The following IL17RC variants were observed in gnomAD, a reference collection of about 807,000 sequenced individuals.
IL17RC encodes the protein interleukin-17 receptor C.
IL17RC carries 53 observed loss-of-function variants against 86.7 expected under a neutral mutation model. That is an observed-to-expected ratio of 0.61 (90% CI 0.49 to 0.77). IL17RC has a LOEUF of 0.77. IL17RC is among the 30% of genes least tolerant of loss of function. The pLI, the probability that IL17RC is intolerant of heterozygous loss-of-function variation, is 0.00. For missense variants in IL17RC, 957 were observed against 940.0 expected (o/e 1.02, Z -0.24); for synonymous variants, 439 against 413.1 (o/e 1.06, Z -0.76).
At chr3:9,928,018 T>C in intron 9 of IL17RC, 148 bp from the exon 10 acceptor site, 1 of 714,048 alleles carries the variant, frequency 1.4e-6, no homozygotes, top group Non-Finnish European at 2.5e-6. Context: ...GAAGAATAGA[T>C]GTGAGCACCT....
intron 12 of IL17RC, 143 bp downstream of exon 12, chr3:9,928,773 G>A (rs760687535): frequency 3.5e-5 from 28 of 810,308 alleles, no homozygotes; most frequent in East Asian, 7.3e-5. Context: ...TTAGTAGTGC[G>A]CGGGACCCTG....
At position 9,921,095 on chromosome 3, in the gene IL17RC, CA is replaced by C. The variant is rs1190919336; in HGVS notation, c.622+127del. ...AGCTCACAGAACATATTCATTCATT[CA>C]TTCATTCATTCATTTGTTCATAACA... On this transcript the variant is annotated intron_variant, in intron 7 of 18. Transcript: ENST00000403601. 1,019 of 585,712 alleles carry C rather than the reference CA, an allele frequency of 1.7e-3. 3 individuals are homozygous for C. Among genetic ancestry groups the C allele is most frequent in the Non-Finnish European group, 2.8e-3 (930 of 328,878 alleles). 36.3% of individuals were successfully genotyped at this position (585,712 alleles called of 1,614,324 possible).
rs762617740 is a variant in IL17RC, at chr3:9,932,657, C to CG, written c.1438dup (p.Ala480GlyfsTer44). The stretch of plus-strand genomic sequence containing the variant: ...TGTGGCTGGCCTGCCTACTCTTTGC[C>CG]GCTGCGCTTTCCCTCATCCTCCTTC... On this transcript the variant is annotated frameshift_variant, in exon 17 of 19. Transcript: ENST00000403601. LOFTEE classifies it high-confidence loss of function. The CG allele has an allele frequency of 5.6e-6, 9 of 1,614,084 alleles. No homozygotes were observed. The African/African-American group carries it at 1.1e-4, about 19-fold the overall frequency.
At position 9,923,985 on chromosome 3, in the gene IL17RC, C is replaced by G. The variant is rs752152533; in HGVS notation, c.727C>G (p.Gln243Glu). 1.6e-5 allele frequency: 26 copies of G among 1,614,136 alleles called. 1 individual carries two copies. The highest frequency in any genetic ancestry group is 3.3e-4 in the Middle Eastern group (2 of 6,062). ...FGLSLYWNQV[Q>E]GPPKPRWHKN... ...CCTCTCCCTGTACTGGAATCAGGTC[C>G]AGGGCCCCCCAAAACCCCGGTGGCA... The change falls in exon 8 of 19, where the codon CAG becomes GAG. Residue 243 changes from glutamine to glutamate, a missense_variant. Physicochemically the swap from Gln to Glu is conservative, Grantham distance 29. Coordinates refer to ENST00000403601, the MANE Select transcript of IL17RC (RefSeq NM_153460.4).
rs867519898 is a variant in IL17RC, at chr3:9,931,453, T to A, written c.1387+510T>A. Among the ~76,000 whole-genome samples the A allele has an allele frequency of 1.0e-3, 45 of 44,936 alleles. No homozygotes were observed. In the Middle Eastern group the frequency reaches 0.052, roughly 52 times the overall value. 29.5% of individuals were successfully genotyped at this position (44,936 alleles called of 152,430 possible). A position where few individuals can be genotyped will look rare whatever the true frequency, so the allele number is the denominator to read the frequency against. On this transcript the variant is annotated intron_variant, in intron 16 of 18. Coordinates refer to ENST00000403601, the MANE Select transcript of IL17RC (RefSeq NM_153460.4). ...AGCTACGATCAAATTTTTATATATTTCACACACACACACACACATATATAT... is the reference window on the plus strand; with the variant it reads ...AGCTACGATCAAATTTTTATATATTACACACACACACACACACATATATAT...
At position 9,933,607 on chromosome 3, in the gene IL17RC, C is replaced by T. The variant is rs775751523; in HGVS notation, c.*14C>T. 1.3e-6 allele frequency: 2 copies of T among 1,564,174 alleles called. No homozygotes were observed. Among genetic ancestry groups the T allele is most frequent in the South Asian group, 2.3e-5 (2 of 86,268 alleles). ...GACGGGACTTAAATAAAGGCAGACG[C>T]TGTTTTTCTACCCATGTGGCCCACA... On this transcript the variant is annotated 3_prime_UTR_variant, in exon 19 of 19. Coordinates refer to ENST00000403601, the MANE Select transcript of IL17RC (RefSeq NM_153460.4).
chr3:9,923,896 A>G lies in IL17RC; in HGVS notation c.638A>G (p.Asn213Ser). ...CTCCCACCAGCCCTGCCCTGGCTCA[A>G]CGTGTCAGCAGATGGTGACAACGTG... Reference protein sequence around the residue: ...IPSCWALPWLNVSADGDNVHL... With the variant: ...IPSCWALPWLSVSADGDNVHL... The change falls in exon 8 of 19, where the codon AAC (asparagine) becomes AGC (serine). Residue 213 changes from asparagine to serine, a missense_variant. Coordinates refer to ENST00000403601, the MANE Select transcript of IL17RC (RefSeq NM_153460.4). The G allele has an allele frequency of 1.2e-6, 2 of 1,614,080 alleles. No individual in the cohort carries two copies. Among genetic ancestry groups the G allele is most frequent in the South Asian group, 1.1e-5 (1 of 91,084 alleles).
At chr3:9,919,745 C>A (rs2083395673) in intron 5 of IL17RC, among the ~76,000 whole-genome samples, 2 of 152,112 alleles carry the variant, frequency 1.3e-5, no homozygotes, top group South Asian at 4.1e-4. Flanking sequence ...TGAATAATTT[C>A]AATAAATTTA....
At chr3:9,918,739 T>A (rs1293670327) in intron 5 of IL17RC, 130 bp downstream of exon 5, 1 of 662,134 alleles carries the variant, frequency 1.5e-6, no homozygotes, top group Non-Finnish European at 2.6e-6. Flanking sequence ...TTACAGCCAG[T>A]GTTTTACAGG....
chr3:9,929,664 T>G, intron 12 of IL17RC, 188 bp from the exon 13 acceptor site: 2 of 693,042 alleles, frequency 2.9e-6, no homozygotes, highest in Non-Finnish European at 5.2e-6. Flanking sequence ...ACAGATGATC[T>G]CACAAGGCTG....
chr3:9,931,494 T>C (rs2084686572), intron 16 of IL17RC, among the ~76,000 whole-genome samples: 2 of 146,740 alleles, frequency 1.4e-5, no homozygotes, highest in Non-Finnish European at 3.0e-5. Context: ...TATATATATA[T>C]ATATATATAC....
At chr3:9,922,260 T>C (rs1222065751) in intron 7 of IL17RC, among the ~76,000 whole-genome samples, 1 of 152,172 alleles carries the variant, frequency 6.6e-6, no homozygotes, top group African/African-American at 2.4e-5. Context: ...CAATTTGTTT[T>C]TATATATGTA....
chr3:9,920,681 G>A lies in IL17RC; in HGVS notation c.577+79G>A, dbSNP rs1303464293. The A allele has an allele frequency of 6.0e-6, 6 of 993,616 alleles. No individual in the cohort carries two copies. In the African/African-American group the frequency reaches 9.7e-5, roughly 16 times the overall value. 61.5% of individuals were successfully genotyped at this position (993,616 alleles called of 1,614,324 possible). A position where few individuals can be genotyped will look rare whatever the true frequency, so the allele number is the denominator to read the frequency against. On this transcript the variant is annotated intron_variant, in intron 6 of 18. Coordinates refer to ENST00000403601, the MANE Select transcript of IL17RC (RefSeq NM_153460.4). The stretch of plus-strand genomic sequence containing the variant: ...CCCCTCCTGATTTCACCCTCTTCTA[G>A]CTCCATCCACTCTCCGGCAGGGGTC...
rs377173896 is a variant in IL17RC at position 9,924,026 on chromosome 3, G to C, written c.762+6G>C. 3 of 1,613,186 alleles carry C rather than the reference G, an allele frequency of 1.9e-6. No homozygotes were observed. Among genetic ancestry groups the C allele is most frequent in the Non-Finnish European group, 2.5e-6 (3 of 1,180,034 alleles). On this transcript the variant is annotated splice_donor_region_variant and intron_variant, in intron 8 of 18. Transcript: ENST00000403601. ...CCCGGTGGCACAAAAACCTGGTGAG[G>C]CCTCCCCCTTCCCAAGTCCATTCCC...
At position 9,932,686 on chromosome 3, in the gene IL17RC, A is replaced by G; in HGVS notation, c.1466A>G (p.Lys489Arg). 2 of 1,613,944 alleles carry G rather than the reference A, an allele frequency of 1.2e-6. No individual in the cohort carries two copies. Among genetic ancestry groups the G allele is most frequent in the East Asian group, 2.2e-5 (1 of 44,856 alleles). ...GCGCTTTCCCTCATCCTCCTTCTCAAAAAGGATCACGCGAAAGGTGAGCGC... is the reference window on the plus strand; with the variant it reads ...GCGCTTTCCCTCATCCTCCTTCTCAGAAAGGATCACGCGAAAGGTGAGCGC... Reference protein sequence around the residue: ...AAALSLILLLKKDHAKGWLRL... With the variant: ...AAALSLILLLRKDHAKGWLRL... Residue 489 changes from lysine to arginine, a missense_variant, in exon 17 of 19, where the codon AAA becomes AGA. Physicochemically the swap from Lys to Arg is conservative, Grantham distance 26. Coordinates refer to ENST00000403601, the MANE Select transcript of IL17RC (RefSeq NM_153460.4).
At position 9,930,543 on chromosome 3, in the gene IL17RC, T is replaced by A; in HGVS notation, c.1338+84T>A. ...GCACTCACCTACTGTCTATTTAGGCTTATTTTATGTTCAGCCCTGGGAAAG... is the reference window on the plus strand; with the variant it reads ...GCACTCACCTACTGTCTATTTAGGCATATTTTATGTTCAGCCCTGGGAAAG... On this transcript the variant is annotated intron_variant, in intron 15 of 18. Coordinates refer to ENST00000403601, the MANE Select transcript of IL17RC (RefSeq NM_153460.4). This position sits in a 1 kb window ranked among gnomAD's most constrained non-coding sequence, Gnocchi z 5.8. 7.5e-7 allele frequency: 1 copy of A among 1,329,548 alleles called. No homozygotes were observed. The highest frequency in any genetic ancestry group is 1.1e-6 in the Non-Finnish European group (1 of 941,262). 82.4% of individuals were successfully genotyped at this position (1,329,548 alleles called of 1,614,324 possible). A position where few individuals can be genotyped will look rare whatever the true frequency, so the allele number is the denominator to read the frequency against.
At position 9,933,213 on chromosome 3, in the gene IL17RC, G is replaced by A. The variant is rs747457451; in HGVS notation, c.1783G>A (p.Asp595Asn). 6.8e-6 allele frequency: 11 copies of A among 1,608,188 alleles called. No homozygotes were observed. The highest frequency in any genetic ancestry group is 9.3e-6 in the Non-Finnish European group (11 of 1,177,868). The change falls in exon 19 of 19, where the codon GAT becomes AAT. Residue 595 changes from aspartate to asparagine, a missense_variant. Asp to Asn is a conservative substitution (Grantham distance 23). Coordinates refer to ENST00000403601, the MANE Select transcript of IL17RC (RefSeq NM_153460.4). ...AVALCSEWLQ[D>N]GVSGPGAHGP... ...GGCGCTGTGCAGCGAGTGGCTACAGGATGGGGTGTCCGGGCCCGGGGCGCA... is the reference window on the plus strand; with the variant it reads ...GGCGCTGTGCAGCGAGTGGCTACAGAATGGGGTGTCCGGGCCCGGGGCGCA...
In IL17RC at chr3:9,928,197, C is replaced by G; in HGVS notation, c.854C>G (p.Thr285Arg). ...CCTCTGGAACCTGACTCCGTTAGGA[C>G]GAACATCTGCCCCTTCAGGGAGGGT... is the stretch of plus-strand genomic sequence containing the variant. Reference protein sequence around the residue: ...VWPLEPDSVRTNICPFREDPR... With the variant: ...VWPLEPDSVRRNICPFREDPR... The change falls in exon 10 of 19, where the codon ACG becomes AGG. Residue 285 changes from threonine to arginine, a missense_variant. Coordinates refer to ENST00000403601, the MANE Select transcript of IL17RC (RefSeq NM_153460.4). The G allele has an allele frequency of 1.2e-6, 2 of 1,614,144 alleles. No individual in the cohort carries two copies. The highest frequency in any genetic ancestry group is 2.7e-5 in the African/African-American group (2 of 75,042).
intron 9 of IL17RC, among the ~76,000 whole-genome samples, chr3:9,927,640 A>G (rs2084211275): frequency 6.6e-6 from 1 of 152,042 alleles, no homozygotes; most frequent in African/African-American, 2.4e-5. Flanking sequence ...GTAGGCACTC[A>G]TTAAAAGTCT....
Sources: gnomAD v4.1 joint callset for allele counts (sites outside exome capture counted in the v4.1 genomes callset) on GRCh38, gnomAD v4.1.1 for gene constraint, Gnocchi (gnomAD v3.1) non-coding constraint, MANE v1.5 for transcripts, NCBI Gene and HGNC (gene_info 2026-07-23, HGNC 2026-07-21) for gene names.